The following CRY2 variants were observed in gnomAD, a reference collection of about 807,000 sequenced individuals.
CRY2 encodes the protein cryptochrome-2.
In CRY2, 31 loss-of-function variants were observed where a neutral mutation model predicts 69.5. That is an observed-to-expected ratio of 0.45 (90% CI 0.34 to 0.60). The LOEUF (loss-of-function observed/expected upper bound fraction) is 0.60, where lower values mean the gene tolerates loss of function less well. Ranked by LOEUF, CRY2 falls within the 20% of genes least tolerant of loss-of-function variation. The probability of loss-of-function intolerance (pLI) is 0.02; values close to 1 mark genes in which losing one functional copy is unlikely to be tolerated. For missense variants in CRY2, 606 were observed against 797.8 expected (o/e 0.76, Z 2.90); for synonymous variants, 303 against 312.2 (o/e 0.97, Z 0.31).
rs1394732485 is a variant in CRY2 at position 45,858,781 on chromosome 11, G to A, written c.375G>A (p.Gly125=). ...LTFEYDSEPF[G]KERDAAIMKM... Reference sequence around the variant, plus strand: ...TTGAATATGACTCTGAACCCTTTGGGAAAGAACGGGATGCAGCCATCATGA... The same window carrying A: ...TTGAATATGACTCTGAACCCTTTGGAAAAGAACGGGATGCAGCCATCATGA... Residue 125 remains glycine (G), a synonymous_variant, in exon 3 of 12, where the codon GGG becomes GGA. Coordinates refer to ENST00000616080, the MANE Select transcript of CRY2 (RefSeq NM_021117.5). The A allele has an allele frequency of 9.3e-6, 15 of 1,614,172 alleles. No homozygotes were observed. Among genetic ancestry groups the A allele is most frequent in the Middle Eastern group, 1.6e-4 (1 of 6,062 alleles).
chr11:45,847,334 G>A (rs1438136548), upstream of CRY2: 2 of 1,591,814 alleles, frequency 1.3e-6, no homozygotes, highest in Non-Finnish European at 8.5e-7. Flanking sequence ...CAATCGCCAG[G>A]TGGAAGGCAC....
intron 5 of CRY2, among the ~76,000 whole-genome samples, chr11:45,864,224 T>C (rs1193619401): frequency 6.6e-6 from 1 of 152,116 alleles, no homozygotes; most frequent in Non-Finnish European, 1.5e-5. Flanking sequence ...ACTGTGGGAA[T>C]CTTGGCAAGT....
chr11:45,847,153 G>A (rs1476366218), upstream of CRY2: 35 of 1,541,002 alleles, frequency 2.3e-5, no homozygotes, highest in Middle Eastern at 6.7e-4. Flanking sequence ...ACAGGACGTG[G>A]GTAAGAGATC....
upstream of CRY2, chr11:45,847,466 G>T (rs758262655): frequency 3.1e-6 from 5 of 1,597,570 alleles, no homozygotes; most frequent in Non-Finnish European, 3.4e-6. Context: ...GCGGAGCGGG[G>T]GTGGCTGGAG....
chr11:45,861,715 T>G, intron 4 of CRY2: 1 of 272,014 alleles, frequency 3.7e-6, no homozygotes, highest in Non-Finnish European at 7.1e-6. Flanking sequence ...GTGCTGGGAT[T>G]ACAGACGTGA....
intron 6 of CRY2, among the ~76,000 whole-genome samples, chr11:45,868,594 C>T (rs1200857669): frequency 6.6e-6 from 1 of 151,976 alleles, no homozygotes; most frequent in South Asian, 2.1e-4. Context: ...GCTGGGATTA[C>T]AGCCGTGAGC....
At chr11:45,863,738 A>G (rs1434573767) in intron 5 of CRY2, among the ~76,000 whole-genome samples, 2 of 151,828 alleles carry the variant, frequency 1.3e-5, no homozygotes, top group Admixed American at 1.3e-4. Context: ...GTGGCCAGGT[A>G]TAGGAGGTGG....
chr11:45,871,296 A>T (rs1293088312), intron 10 of CRY2, among the ~76,000 whole-genome samples: 1 of 152,196 alleles, frequency 6.6e-6, no homozygotes. Flanking sequence ...GCTCACAAAC[A>T]GTACCGAGCT....
At chr11:45,847,388 T>C (rs1337875974), upstream of CRY2, 1 of 1,598,188 alleles carries the variant, frequency 6.3e-7, no homozygotes, top group Non-Finnish European at 8.5e-7. Context: ...GGGCGGGGAC[T>C]AAGGGTGGAG....
Position 45,860,974 on chromosome 11 carries a change from G to C in CRY2, c.594G>C (p.Arg198Ser). ...CCAGCCAGCAGATGGAGAGCTGCAGGGCCGAGATCCAGGAGAACCACGACG... is the reference window on the plus strand; with the variant it reads ...CCAGCCAGCAGATGGAGAGCTGCAGCGCCGAGATCCAGGAGAACCACGACG... ...LVTSQQMESCRAEIQENHDET... is the reference protein window; with the variant it reads ...LVTSQQMESCSAEIQENHDET... The change falls in exon 4 of 12, where the codon AGG becomes AGC. Residue 198 changes from arginine to serine, a missense_variant. By Grantham distance (110) the Arg-to-Ser change is moderately radical. Transcript: ENST00000616080. 7 of 1,614,020 alleles carry C rather than the reference G, an allele frequency of 4.3e-6. No homozygotes were observed. Among genetic ancestry groups the C allele is most frequent in the Non-Finnish European group, 5.9e-6 (7 of 1,180,040 alleles).
intron 5 of CRY2, among the ~76,000 whole-genome samples, chr11:45,865,931 C>T (rs921671787): frequency 3.3e-5 from 5 of 152,130 alleles, no homozygotes; most frequent in Admixed American, 1.3e-4. Context: ...TGGGAGTGGA[C>T]GCAGGGAGGC....
intron 1 of CRY2, among the ~76,000 whole-genome samples, chr11:45,853,977 G>A (rs533478423): frequency 3.3e-5 from 5 of 152,334 alleles, no homozygotes; most frequent in East Asian, 3.9e-4. Flanking sequence ...GCTTTGAGCC[G>A]AGGCCAGGGC....
intron 1 of CRY2, among the ~76,000 whole-genome samples, chr11:45,855,011 G>A (rs1386614551): frequency 6.6e-6 from 1 of 152,168 alleles, no homozygotes; most frequent in Non-Finnish European, 1.5e-5. Flanking sequence ...CTGGAATTTT[G>A]AGCCACATGA....
Position 45,870,470 on chromosome 11 carries a change from G to A in CRY2, c.1487G>A (p.Ser496Asn). Residue 496 changes from serine (S) to asparagine (N), a missense_variant, in exon 9 of 12, where the codon AGC becomes AAC. Ser to Asn is a conservative substitution (Grantham distance 46). Coordinates refer to ENST00000616080, the MANE Select transcript of CRY2 (RefSeq NM_021117.5). ...CCCATCGTCAACCATGCCGAGACCA[G>A]CCGGCTTAACATTGAACGAATGAAG... ...PRPIVNHAET[S>N]RLNIERMKQI... The A allele has an allele frequency of 2.5e-6, 4 of 1,614,244 alleles. No homozygotes were observed. The highest frequency in any genetic ancestry group is 3.4e-6 in the Non-Finnish European group (4 of 1,180,042).
chr11:45,847,548 G>C lies in CRY2; in HGVS notation c.58G>C (p.Asp20His), dbSNP rs965104723. The change falls in exon 1 of 12, where the codon GAC becomes CAC. Residue 20 changes from aspartate (D) to histidine (H), a missense_variant. Physicochemically the swap from Asp to His is moderately conservative, Grantham distance 81 (BLOSUM62 -1). Around this residue, in one of 5 missense-constraint regions of CRY2, gnomAD observed 45 missense variants for 35.7 expected, o/e 1.26. Coordinates refer to ENST00000616080, the MANE Select transcript of CRY2 (RefSeq NM_021117.5). ...AVAPAPAPGT[D>H]SASSVHWFRK... ...GGCCCCGGCGCCAGCGCCCGGCACG[G>C]ACAGCGCCTCTTCGGTGCACTGGTT... The C allele has an allele frequency of 2.1e-5, 34 of 1,590,900 alleles. No individual in the cohort carries two copies. The highest frequency in any genetic ancestry group is 1.7e-4 in the Middle Eastern group (1 of 6,030).
At chr11:45,867,199 G>A (rs1252448233) in intron 5 of CRY2, among the ~76,000 whole-genome samples, 3 of 152,296 alleles carry the variant, frequency 2.0e-5, no homozygotes, top group Middle Eastern at 3.4e-3. Context: ...CAACCTCAGG[G>A]CCGCTAGTGA....
chr11:45,866,338 GA>G (rs1036180332), intron 5 of CRY2, among the ~76,000 whole-genome samples: 9 of 152,170 alleles, frequency 5.9e-5, no homozygotes, highest in African/African-American at 1.7e-4. Flanking sequence ...GCACACAGTT[GA>G]GTAGAGAACC....
At chr11:45,851,128 A>G (rs2086196896) in intron 1 of CRY2, among the ~76,000 whole-genome samples, 1 of 151,950 alleles carries the variant, frequency 6.6e-6, no homozygotes. Flanking sequence ...GAGGTACTGC[A>G]GCAAGAAGAT....
At chr11:45,871,045 C>A in intron 10 of CRY2, 111 bp downstream of exon 10, 2 of 830,778 alleles carry the variant, frequency 2.4e-6, no homozygotes, top group South Asian at 1.6e-5. Flanking sequence ...TATATTCCAC[C>A]TGGGGCAGTC....
Sources: gnomAD v4.1 joint callset for allele counts (sites outside exome capture counted in the v4.1 genomes callset) on GRCh38, gnomAD v4.1.1 for gene constraint, gnomAD v4.1.1 regional missense constraint, MANE v1.5 for transcripts, NCBI Gene and HGNC (gene_info 2026-07-23, HGNC 2026-07-21) for gene names.